The following TRIO variants were observed in gnomAD, a reference collection of about 807,000 sequenced individuals.
The protein encoded by TRIO is triple functional domain protein.
Under a neutral mutation model 351.9 loss-of-function variants are expected in TRIO, and 58 were observed. That is an observed-to-expected ratio of 0.16 (90% CI 0.13 to 0.21). The LOEUF (loss-of-function observed/expected upper bound fraction) is 0.21. Among genes scored for constraint, TRIO ranks in the 10% least tolerant of loss-of-function variants. The pLI is 1.00. For missense variants in TRIO, 3,201 were observed against 4,027.8 expected, an observed-to-expected ratio of 0.79 and a Z score of 5.56; for synonymous variants, 1,758 against 1,595.7, an observed-to-expected ratio of 1.10 and a Z score of -2.42.
rs748644291 is a variant in TRIO at position 14,474,063 on chromosome 5, G to A, written c.6049G>A (p.Gly2017Ser). The change falls in exon 40 of 57, where the codon GGC (glycine) becomes AGC (serine). Residue 2017 changes from glycine to serine, a missense_variant. Physicochemically the swap from Gly to Ser is moderately conservative, Grantham distance 56. This residue lies in a region of TRIO where 307 missense variants were observed against 396.5 expected (regional missense o/e 0.77). Transcript: ENST00000344204. ...DMKGKDKIVF[G>S]NIHQIYDWHR... ...GAAAGGAAAAGACAAAATTGTGTTCGGCAACATCCATCAGATTTACGACTG... is the reference window on the plus strand; with the variant it reads ...GAAAGGAAAAGACAAAATTGTGTTCAGCAACATCCATCAGATTTACGACTG... 9.9e-6 allele frequency: 16 copies of A among 1,613,054 alleles called. No individual in the cohort carries two copies. Among genetic ancestry groups the A allele is most frequent in the South Asian group, 5.5e-5 (5 of 91,018 alleles).
At chr5:14,239,393 T>G (rs941480846) in intron 1 of TRIO, among the ~76,000 whole-genome samples, 2 of 152,178 alleles carry the variant, frequency 1.3e-5, no homozygotes, top group African/African-American at 4.8e-5. Context: ...CAGTGCCAGC[T>G]TTCTTGTTTC....
At chr5:14,430,035 C>T (rs374836071) in intron 34 of TRIO, among the ~76,000 whole-genome samples, 6 of 152,060 alleles carry the variant, frequency 3.9e-5, no homozygotes, top group African/African-American at 1.4e-4. Context: ...CTGATATATA[C>T]AGCGCTGCGG....
intron 2 of TRIO, among the ~76,000 whole-genome samples, chr5:14,273,402 G>A (rs1343051079): frequency 1.3e-5 from 2 of 152,224 alleles, no homozygotes; most frequent in Admixed American, 6.5e-5. Flanking sequence ...AAGTAAGATA[G>A]AATGTACTAC....
At chr5:14,378,716 C>T (rs1331477228) in intron 20 of TRIO, among the ~76,000 whole-genome samples, 1 of 152,056 alleles carries the variant, frequency 6.6e-6, no homozygotes, top group Non-Finnish European at 1.5e-5. Flanking sequence ...TCCACCACCA[C>T]GCCTGGGTAA....
At chr5:14,477,581 C>A (rs1398321756) in intron 41 of TRIO, among the ~76,000 whole-genome samples, 1 of 152,206 alleles carries the variant, frequency 6.6e-6, no homozygotes, top group South Asian at 2.1e-4. Context: ...CAGATAATTA[C>A]ATAGTTTTCT....
At chr5:14,401,911 C>G (rs1748103938) in intron 31 of TRIO, among the ~76,000 whole-genome samples, 1 of 152,128 alleles carries the variant, frequency 6.6e-6, no homozygotes. Context: ...CCCCTTGTGT[C>G]TCTTGCATGC....
intron 9 of TRIO, among the ~76,000 whole-genome samples, chr5:14,319,219 A>T (rs1739652407): frequency 6.6e-6 from 1 of 152,254 alleles, no homozygotes; most frequent in Non-Finnish European, 1.5e-5. Context: ...TCCTGTTAGC[A>T]ATCTATAGAA....
intron 8 of TRIO, among the ~76,000 whole-genome samples, chr5:14,307,978 G>A (rs569999745): frequency 2.6e-5 from 4 of 152,102 alleles, no homozygotes; most frequent in African/African-American, 7.2e-5. Context: ...TGGCCAGCAG[G>A]AGCTTTTTTC....
At chr5:14,171,782 G>T (rs1789108788) in intron 1 of TRIO, among the ~76,000 whole-genome samples, 1 of 152,146 alleles carries the variant, frequency 6.6e-6, no homozygotes, top group Admixed American at 6.5e-5. Flanking sequence ...AAGGAGCGGG[G>T]TGGGGGGATG....
Position 14,465,548 on chromosome 5 carries a change from T to C in TRIO, c.5671T>C (p.Ser1891Pro), listed in dbSNP as rs138840811. 5.8e-4 allele frequency: 936 copies of C among 1,613,966 alleles called. 2 individuals are homozygous for C. Among genetic ancestry groups the C allele is most frequent in the Non-Finnish European group, 7.0e-4 (828 of 1,179,950 alleles). The change falls in exon 37 of 57, where the codon TCT (serine) becomes CCT (proline). Residue 1891 changes from serine (S) to proline (P), a missense_variant. Coordinates refer to ENST00000344204, the MANE Select transcript of TRIO (RefSeq NM_007118.4). ...CTTTTCTTAATTTCTTCTGTAGGCC[T>C]CTTCTCGGTTATTAGTCCGCCCCAC... is the stretch of plus-strand genomic sequence containing the variant. ...LQPDSQDDKA[S>P]SRLLVRPTSS...
intron 16 of TRIO, among the ~76,000 whole-genome samples, chr5:14,367,293 A>T (rs929754820): frequency 6.2e-4 from 95 of 152,216 alleles, no homozygotes; most frequent in African/African-American, 2.2e-3. Context: ...ACTTTCTCTC[A>T]TCTGGAATGG....
At chr5:14,445,600 A>T (rs571357129) in intron 34 of TRIO, among the ~76,000 whole-genome samples, 40 of 152,372 alleles carry the variant, frequency 2.6e-4, no homozygotes, top group Non-Finnish European at 4.4e-5. Flanking sequence ...AAAATCAACA[A>T]TTCCTTCTGT....
At chr5:14,448,299 A>G (rs1175361637) in intron 34 of TRIO, among the ~76,000 whole-genome samples, 3 of 152,250 alleles carry the variant, frequency 2.0e-5, no homozygotes, top group African/African-American at 7.2e-5. Flanking sequence ...TAAACAGACC[A>G]GAGCCCAGAG....
chr5:14,298,893 C>G (rs1737614323), intron 7 of TRIO, among the ~76,000 whole-genome samples: 1 of 152,198 alleles, frequency 6.6e-6, no homozygotes, highest in African/African-American at 2.4e-5. Context: ...ATAAAACCAT[C>G]TTCATGACCC....
chr5:14,316,271 T>A (rs76596608), intron 8 of TRIO, among the ~76,000 whole-genome samples: 1 of 152,226 alleles, frequency 6.6e-6, no homozygotes, highest in Non-Finnish European at 1.5e-5. Context: ...ACCTAGTGTT[T>A]TGCATCATTT....
At chr5:14,388,897 A>G (rs1053071669) in intron 24 of TRIO, among the ~76,000 whole-genome samples, 1 of 152,106 alleles carries the variant, frequency 6.6e-6, no homozygotes, top group Non-Finnish European at 1.5e-5. Context: ...TACAGCATTA[A>G]TCCTCTCATT....
chr5:14,374,146 A>G (rs774872220), intron 18 of TRIO, 83 bp from the exon 19 acceptor site: 11 of 929,210 alleles, frequency 1.2e-5, no homozygotes, highest in Non-Finnish European at 1.8e-5. Flanking sequence ...GTAAAGACAT[A>G]CGTTAGAGTG....
chr5:14,365,812 C>T (rs1288511002), intron 15 of TRIO, among the ~76,000 whole-genome samples: 1 of 152,202 alleles, frequency 6.6e-6, no homozygotes, highest in Non-Finnish European at 1.5e-5. Flanking sequence ...TTGGTGATGG[C>T]TGGCCTTTCC....
chr5:14,288,958 G>A (rs941147250), intron 4 of TRIO, among the ~76,000 whole-genome samples: 2 of 152,096 alleles, frequency 1.3e-5, no homozygotes, highest in African/African-American at 4.8e-5. Context: ...ATTTCTTGCC[G>A]AGGCCAGGCA....
Sources: gnomAD v4.1 joint callset for allele counts (sites outside exome capture counted in the v4.1 genomes callset) on GRCh38, gnomAD v4.1.1 for gene constraint, gnomAD v4.1.1 regional missense constraint, MANE v1.5 for transcripts, NCBI Gene and HGNC (gene_info 2026-07-23, HGNC 2026-07-21) for gene names.